Variants in SLC15A5 observed in about 807,000 individuals in gnomAD.
SLC15A5 encodes solute carrier family 15 member 5.
In SLC15A5, 58 loss-of-function variants were observed where a neutral mutation model predicts 56.1. The observed-to-expected ratio is 1.03, with a 90% CI of 0.84 to 1.29. The LOEUF is 1.29. Among genes scored for constraint, SLC15A5 ranks in the 50% most tolerant of loss-of-function variants. SLC15A5 has a pLI of 0.00. For synonymous variants in SLC15A5, 264 were observed against 250.5 expected, an observed-to-expected ratio of 1.05 and a Z score of -0.51; for missense variants, 681 against 672.1, an observed-to-expected ratio of 1.01 and a Z score of -0.15.
intron 5 of SLC15A5, among the ~76,000 whole-genome samples, chr12:16,227,038 A>G (rs1035527630): frequency 3.3e-5 from 5 of 152,244 alleles, no homozygotes; most frequent in African/African-American, 1.2e-4. Flanking sequence ...TTTTGATTAT[A>G]TCTCAGAATT....
Position 16,216,911 on chromosome 12 carries a change from C to T in SLC15A5, c.1465G>A (p.Val489Ile). Residue 489 changes from valine (V) to isoleucine (I), a missense_variant, in exon 7 of 9, where the codon GTA becomes ATA. By Grantham distance (29) the Val-to-Ile change is conservative. Transcript: ENST00000344941. ...TTTTTACCATCTGAGATGAGATATACCAACTTCACCAGCAGTGCCCCTGTG... is the reference window on the plus strand; with the variant it reads ...TTTTTACCATCTGAGATGAGATATATCAACTTCACCAGCAGTGCCCCTGTG... ...CFTGALLVKL[V>I]YLISDGNWFP... 6.5e-7 allele frequency: 1 copy of T among 1,536,468 alleles called. No individual in the cohort carries two copies. The highest frequency in any genetic ancestry group is 8.7e-7 in the Non-Finnish European group (1 of 1,146,478).
rs992815664 is a variant in SLC15A5 at position 16,269,648 on chromosome 12, C to A, written c.584+2913G>T. On this transcript the variant is annotated intron_variant, in intron 2 of 8. Coordinates refer to ENST00000344941, the MANE Select transcript of SLC15A5 (RefSeq NM_001170798.1). This position sits in a 1 kb window ranked among gnomAD's most constrained non-coding sequence, Gnocchi z 4.7. ...ATACCATGTAGAGTCAATTTGAGTA[C>A]CAGATAGTCAACATTTCTGGGGTGA... Among the ~76,000 whole-genome samples the A allele has an allele frequency of 2.0e-5, 3 of 152,064 alleles. No homozygotes were observed. The highest frequency in any genetic ancestry group is 4.4e-5 in the Non-Finnish European group (3 of 68,014).
chr12:16,219,075 A>G, intron 6 of SLC15A5, among the ~76,000 whole-genome samples: 1 of 152,164 alleles, frequency 6.6e-6, no homozygotes, highest in Non-Finnish European at 1.5e-5. Flanking sequence ...TCAGTGCTGG[A>G]ACTGAGAGGT....
intron 8 of SLC15A5, among the ~76,000 whole-genome samples, chr12:16,194,023 G>A (rs1458531144): frequency 1.3e-5 from 2 of 151,892 alleles, no homozygotes; most frequent in Non-Finnish European, 2.9e-5. Context: ...TTTGTTTAAT[G>A]GTATTTGCTT....
At chr12:16,218,699 T>C (rs150358347) in intron 6 of SLC15A5, among the ~76,000 whole-genome samples, 74 of 152,264 alleles carry the variant, frequency 4.9e-4, no homozygotes, top group African/African-American at 1.7e-3. Flanking sequence ...GAAACTGCCG[T>C]CATATACGTG....
chr12:16,209,019 CTTTTT>C (rs34238331), intron 7 of SLC15A5, among the ~76,000 whole-genome samples: 3 of 141,342 alleles, frequency 2.1e-5, no homozygotes, highest in Non-Finnish European at 3.1e-5. Context: ...AACATGATGC[CTTTTT>C]TTTTTTTTTT....
chr12:16,226,080 C>G (rs866878100), intron 5 of SLC15A5, among the ~76,000 whole-genome samples: 19 of 152,150 alleles, frequency 1.2e-4, no homozygotes, highest in African/African-American at 4.6e-4. Context: ...GGATTGGTTC[C>G]AAGACCCCAA....
Position 16,230,773 on chromosome 12 carries a change from A to G in SLC15A5, c.1163-6171T>C, listed in dbSNP as rs540710568. Among the ~76,000 whole-genome samples the G allele has an allele frequency of 1.0e-2, 1,363 of 136,640 alleles. 19 individuals carry two copies. The highest frequency in any genetic ancestry group is 0.034 in the African/African-American group (1,219 of 35,348). The allele number at this position is 136,640 out of a possible 152,430, so 89.6% of individuals were successfully genotyped here. On this transcript the variant is annotated intron_variant, in intron 5 of 8. Transcript: ENST00000344941. ...CTAAAAATACAAAAAAAAAAAAAAAAATAGCCGGGCGTGGTGGTGGGCACC... is the reference window on the plus strand; with the variant it reads ...CTAAAAATACAAAAAAAAAAAAAAAGATAGCCGGGCGTGGTGGTGGGCACC...
chr12:16,241,198 A>C (rs1864411982), intron 4 of SLC15A5, among the ~76,000 whole-genome samples: 1 of 152,134 alleles, frequency 6.6e-6, no homozygotes, highest in African/African-American at 2.4e-5. Context: ...AAAGTCAACC[A>C]AGTCTTCTTG....
rs572668808 is a variant in SLC15A5 at position 16,250,634 on chromosome 12, CAT to C, written c.755-5836_755-5835del. Reference sequence around the variant, plus strand: ...TGGCGTCTAAAATCAGTTTGAAAAACATAGACTTTTTAATAAGTAAGATTAGG... The same window carrying C: ...TGGCGTCTAAAATCAGTTTGAAAAACAGACTTTTTAATAAGTAAGATTAGG... On this transcript the variant is annotated intron_variant, in intron 3 of 8. Coordinates refer to ENST00000344941, the MANE Select transcript of SLC15A5 (RefSeq NM_001170798.1). Among the ~76,000 whole-genome samples, 128 of 152,008 alleles carry C rather than the reference CAT, an allele frequency of 8.4e-4. 1 individual carries two copies. Among genetic ancestry groups the C allele is most frequent in the Non-Finnish European group, 1.6e-3 (110 of 67,886 alleles).
intron 3 of SLC15A5, among the ~76,000 whole-genome samples, chr12:16,247,975 G>A (rs899729318): frequency 1.3e-5 from 2 of 152,104 alleles, no homozygotes; most frequent in Non-Finnish European, 2.9e-5. Flanking sequence ...TACAGTAGTA[G>A]CCATGAAGAG....
At chr12:16,198,000 C>A (rs3847919) in intron 7 of SLC15A5, among the ~76,000 whole-genome samples, 73,262 of 151,854 alleles carry the variant, frequency 0.48, 18,145 homozygotes, top group South Asian at 0.72. Flanking sequence ...TTCTCCAGAT[C>A]GCAGGATAGC....
intron 7 of SLC15A5, among the ~76,000 whole-genome samples, chr12:16,197,715 C>T (rs142665889): frequency 1.3e-5 from 2 of 151,050 alleles, no homozygotes; most frequent in East Asian, 3.9e-4. Flanking sequence ...GATCTTGGGT[C>T]TGTCTCCTAT....
intron 7 of SLC15A5, among the ~76,000 whole-genome samples, chr12:16,212,245 T>C (rs1424394482): frequency 6.6e-6 from 1 of 152,178 alleles, no homozygotes; most frequent in Non-Finnish European, 1.5e-5. Flanking sequence ...ATCTCTGGCA[T>C]AGAAAATTTT....
chr12:16,268,855 A>G (rs1864720544), intron 2 of SLC15A5, among the ~76,000 whole-genome samples: 1 of 152,112 alleles, frequency 6.6e-6, no homozygotes, highest in Non-Finnish European at 1.5e-5. Context: ...CTCAAATTTC[A>G]TATGTTGAAA....
chr12:16,212,746 G>A (rs191177081), intron 7 of SLC15A5, among the ~76,000 whole-genome samples: 2 of 152,210 alleles, frequency 1.3e-5, no homozygotes, highest in African/African-American at 4.8e-5. Context: ...CTAGGAACTT[G>A]CTTACCAAAT....
intron 7 of SLC15A5, among the ~76,000 whole-genome samples, chr12:16,197,882 A>G (rs1157247404): frequency 6.6e-6 from 1 of 151,940 alleles, no homozygotes; most frequent in Non-Finnish European, 1.5e-5. Context: ...CGTAATTCAC[A>G]TTTGTGCCAT....
intron 3 of SLC15A5, among the ~76,000 whole-genome samples, chr12:16,246,509 C>T (rs1183026353): frequency 6.6e-6 from 1 of 152,156 alleles, no homozygotes; most frequent in African/African-American, 2.4e-5. Context: ...GTCTCTATTA[C>T]TCATCAACCT....
chr12:16,272,872 G>T lies in SLC15A5; in HGVS notation c.362-89C>A. On this transcript the variant is annotated intron_variant, in intron 1 of 8. Coordinates refer to ENST00000344941, the MANE Select transcript of SLC15A5 (RefSeq NM_001170798.1). ...TTAAACAGGGTTTTTCTCTGACAGT[G>T]GCATCATTTTGTGATTGTCTTATCC... 2.6e-6 allele frequency: 3 copies of T among 1,141,062 alleles called. No homozygotes were observed. The South Asian group carries it at 4.2e-5, about 16-fold the overall frequency. 70.7% of individuals were successfully genotyped at this position (1,141,062 alleles called of 1,614,324 possible).
Sources: allele counts gnomAD v4.1 joint callset (sites outside exome capture counted in the v4.1 genomes callset), GRCh38; gene constraint gnomAD v4.1.1; non-coding constraint Gnocchi (gnomAD v3.1); transcripts MANE v1.5; gene names NCBI Gene and HGNC (gene_info 2026-07-23, HGNC 2026-07-21).